RHPN2: variants seen among roughly 807,000 people sequenced by gnomAD.
RHPN2 encodes rhophilin Rho GTPase binding protein 2.
RHPN2 carries 40 observed loss-of-function variants against 79.0 expected under a neutral mutation model. The ratio of observed to expected loss-of-function variants is 0.51; its 90% confidence interval spans 0.39 to 0.66. The LOEUF (loss-of-function observed/expected upper bound fraction) is 0.66, where lower values mean the gene tolerates loss of function less well. RHPN2 is among the 30% of genes least tolerant of loss of function. The pLI is 0.00. For synonymous variants in RHPN2, 285 were observed against 363.5 expected, an observed-to-expected ratio of 0.78 and a Z score of 2.46; for missense variants, 686 against 883.5, an observed-to-expected ratio of 0.78 and a Z score of 2.83.
intron 8 of RHPN2, 59 bp downstream of exon 8, chr19:33,002,754 G>A (rs1291205900): frequency 1.3e-6 from 2 of 1,586,104 alleles, no homozygotes; most frequent in Non-Finnish European, 8.6e-7. Context: ...TACTTCCAGT[G>A]CTCCTGTGCC....
intron 2 of RHPN2, among the ~76,000 whole-genome samples, chr19:33,042,818 C>T (rs565195424): frequency 7.2e-5 from 11 of 152,144 alleles, no homozygotes; most frequent in South Asian, 4.1e-4. Flanking sequence ...CAGTGGCTCA[C>T]GCCTGTAATC....
At chr19:33,058,053 G>C (rs1047553645) in intron 1 of RHPN2, among the ~76,000 whole-genome samples, 3 of 152,126 alleles carry the variant, frequency 2.0e-5, no homozygotes, top group African/African-American at 7.2e-5. Context: ...CCAGCTACTT[G>C]GGAGGCTGAG....
Position 32,990,564 on chromosome 19 carries a change from C to A in RHPN2, c.1750G>T (p.Asp584Tyr), listed in dbSNP as rs746894075. The A allele has an allele frequency of 2.7e-5, 43 of 1,613,774 alleles. 1 individual carries two copies. The Admixed American group carries it at 6.5e-4, about 24-fold the overall frequency. Reference protein sequence around the residue: ...VMKLLKSFGEDEIEMKVVSLL... With the variant: ...VMKLLKSFGEYEIEMKVVSLL... ...CTCACGACTTTCATCTCGATCTCGT[C>A]CTCGCCAAAGCTCTTCAGCAGCTTC... Residue 584 changes from aspartate (D) to tyrosine (Y), a missense_variant, in exon 14 of 15, where the codon GAC becomes TAC. Asp to Tyr is a radical substitution (Grantham distance 160). Transcript: ENST00000254260.
chr19:33,003,357 C>CAAAAAAAAA (rs56166279), intron 7 of RHPN2, among the ~76,000 whole-genome samples: 3 of 66,616 alleles, frequency 4.5e-5, no homozygotes, highest in African/African-American at 6.5e-5. Flanking sequence ...GACTCTGTCT[C>CAAAAAAAAA]AAAAAAAAAA....
intron 6 of RHPN2, among the ~76,000 whole-genome samples, chr19:33,008,401 A>G (rs1971810930): frequency 6.6e-6 from 1 of 151,568 alleles, no homozygotes; most frequent in Non-Finnish European, 1.5e-5. Flanking sequence ...TTACTGGTGC[A>G]TGCCACCATA....
intron 1 of RHPN2, among the ~76,000 whole-genome samples, chr19:33,052,818 C>T (rs775640419): frequency 1.3e-5 from 2 of 152,214 alleles, no homozygotes; most frequent in African/African-American, 4.8e-5. Context: ...CCGCCTCCCC[C>T]GGGAATCCCA....
At chr19:33,062,632 G>A (rs534714148) in intron 1 of RHPN2, among the ~76,000 whole-genome samples, 2 of 151,668 alleles carry the variant, frequency 1.3e-5, no homozygotes, top group South Asian at 4.2e-4. Context: ...TTAGCCAGGT[G>A]TGGTGGCAGG....
intron 4 of RHPN2, 66 bp from the exon 5 acceptor site, chr19:33,012,790 A>T: frequency 1.1e-6 from 1 of 890,226 alleles, no homozygotes; most frequent in Non-Finnish European, 1.9e-6. Flanking sequence ...CATAATAGTA[A>T]TATGTCAATT....
chr19:33,001,662 A>C (rs2146009179), intron 9 of RHPN2, among the ~76,000 whole-genome samples: 1 of 152,244 alleles, frequency 6.6e-6, no homozygotes, highest in African/African-American at 2.4e-5. Context: ...GCTGGAGTGC[A>C]GTGGCACAAT....
chr19:33,016,334 A>G (rs554895073), intron 4 of RHPN2, among the ~76,000 whole-genome samples: 246 of 152,182 alleles, frequency 1.6e-3, no homozygotes, highest in Admixed American at 2.6e-3. Flanking sequence ...CAACCTCCCA[A>G]GTAGCTGGGA....
rs561106270 is a variant in RHPN2, at chr19:33,004,967, C to T, written c.761-1967G>A. Among the ~76,000 whole-genome samples the T allele has an allele frequency of 2.7e-3, 415 of 151,832 alleles. 4 individuals are homozygous for T. Among genetic ancestry groups the T allele is most frequent in the African/African-American group, 6.4e-3 (267 of 41,426 alleles). ...AAAGAAACCAGCCTGCTCCCCACAA[C>T]TCCTGTGTCACCTGGGACAAAATTC... On this transcript the variant is annotated intron_variant, in intron 7 of 14. Transcript: ENST00000254260.
intron 2 of RHPN2, among the ~76,000 whole-genome samples, chr19:33,031,612 C>T (rs1436832755): frequency 6.6e-6 from 1 of 151,972 alleles, no homozygotes; most frequent in Non-Finnish European, 1.5e-5. Context: ...CTCCTGGGCT[C>T]CTGGGCTTGA....
In RHPN2 at chr19:32,999,607, C is replaced by T. The variant is rs1971732331; in HGVS notation, c.1204G>A (p.Asp402Asn). Residue 402 changes from aspartate to asparagine, a missense_variant, in exon 10 of 15, where the codon GAT becomes AAT. Coordinates refer to ENST00000254260, the MANE Select transcript of RHPN2 (RefSeq NM_033103.5). The part of the protein sequence containing the change: ...GLTPLATLKN[D>N]QQRRQLGKSH... ...GCACCCAGCTGTCGGCGCTGCTGATCATTCTTCAGTGTGGCCAAGGGTGTC... is the reference window on the plus strand; with the variant it reads ...GCACCCAGCTGTCGGCGCTGCTGATTATTCTTCAGTGTGGCCAAGGGTGTC... 2 of 1,612,686 alleles carry T rather than the reference C, an allele frequency of 1.2e-6. No individual in the cohort carries two copies. Among genetic ancestry groups the T allele is most frequent in the Non-Finnish European group, 1.7e-6 (2 of 1,179,158 alleles).
At chr19:33,055,792 C>T (rs1203413095) in intron 1 of RHPN2, among the ~76,000 whole-genome samples, 3 of 151,710 alleles carry the variant, frequency 2.0e-5, no homozygotes, top group Non-Finnish European at 4.4e-5. Context: ...CCGGAGCCTC[C>T]AGGAAGCCCA....
intron 9 of RHPN2, among the ~76,000 whole-genome samples, chr19:33,001,368 C>G (rs1971747434): frequency 6.6e-6 from 1 of 151,850 alleles, no homozygotes; most frequent in African/African-American, 2.4e-5. Flanking sequence ...GAGACTCCAT[C>G]TCTATAAAAA....
chr19:33,041,591 T>A (rs1599831136), intron 2 of RHPN2, among the ~76,000 whole-genome samples: 1 of 151,946 alleles, frequency 6.6e-6, no homozygotes, highest in Non-Finnish European at 1.5e-5. Flanking sequence ...TCAGAAAGGG[T>A]GACTGCTGTT....
At chr19:33,033,127 T>C (rs1451659685) in intron 2 of RHPN2, among the ~76,000 whole-genome samples, 1 of 152,212 alleles carries the variant, frequency 6.6e-6, no homozygotes, top group Non-Finnish European at 1.5e-5. Context: ...ATTTTTTTCC[T>C]AGAATCTGGC....
At chr19:33,038,950 G>A (rs1050554823) in intron 2 of RHPN2, among the ~76,000 whole-genome samples, 6 of 152,160 alleles carry the variant, frequency 3.9e-5, no homozygotes, top group East Asian at 1.9e-4. Context: ...GAGCCACCAC[G>A]CCTGGTCTAA....
chr19:33,024,397 C>T (rs1265628882), intron 3 of RHPN2, among the ~76,000 whole-genome samples: 1 of 152,152 alleles, frequency 6.6e-6, no homozygotes, highest in African/African-American at 2.4e-5. Flanking sequence ...CATGCCACTA[C>T]ACTCCAGCCT....
Sources: gnomAD v4.1 joint callset for allele counts (sites outside exome capture counted in the v4.1 genomes callset) on GRCh38, gnomAD v4.1.1 for gene constraint, MANE v1.5 for transcripts, NCBI Gene and HGNC (gene_info 2026-07-23, HGNC 2026-07-21) for gene names.